Variants in GLRA2 observed in about 807,000 individuals in gnomAD.
GLRA2 encodes the protein glycine receptor alpha 2.
In GLRA2, 11 loss-of-function variants were observed where a neutral mutation model predicts 31.6. The observed-to-expected ratio is 0.35, with a 90% confidence interval of 0.22 to 0.58. The LOEUF is 0.58. Ranked by LOEUF, GLRA2 falls within the 20% of genes least tolerant of loss-of-function variation. The pLI, the probability that GLRA2 is intolerant of heterozygous loss-of-function variation, is 0.84. For synonymous variants in GLRA2, 132 were observed against 134.0 expected (o/e 0.99, Z 0.10); for missense variants, 212 against 351.8 (o/e 0.60, Z 3.18).
intron 7 of GLRA2, among the ~76,000 whole-genome samples, chrX:14,623,081 A>G (rs2090541860): frequency 1.8e-5 from 2 of 111,400 alleles, no homozygotes; most frequent in Non-Finnish European, 3.8e-5. Flanking sequence ...GGTAAGTTGG[A>G]TTCCTAGGCA....
intron 4 of GLRA2, among the ~76,000 whole-genome samples, chrX:14,596,086 G>A (rs962088521): frequency 9.0e-6 from 1 of 111,093 alleles, no homozygotes; most frequent in African/African-American, 3.3e-5. Context: ...TGTTCTTTAT[G>A]ACCAGTACCA....
the GLRA2 span, among the ~76,000 whole-genome samples, chrX:14,454,188 CCACACACACACA>C: frequency 3.5e-4 from 36 of 101,518 alleles, no homozygotes; most frequent in East Asian, 9.6e-4. Flanking sequence ...ACCCACACAC[CCACACACACACA>C]CACACACACA....
At chrX:14,649,202 G>C (rs184555774) in intron 7 of GLRA2, among the ~76,000 whole-genome samples, 89 of 108,639 alleles carry the variant, frequency 8.2e-4, no homozygotes, top group African/African-American at 2.9e-3. Flanking sequence ...GACAGAGTGA[G>C]ACTCCGTTTT....
chrX:14,707,108 C>T (rs2091634846), intron 8 of GLRA2, among the ~76,000 whole-genome samples: 2 of 112,140 alleles, frequency 1.8e-5, no homozygotes, highest in South Asian at 7.5e-4. Context: ...TGTTTCATTA[C>T]AGCACCATTT....
the GLRA2 span, among the ~76,000 whole-genome samples, chrX:14,464,504 A>C: frequency 7.9e-4 from 88 of 111,942 alleles, no homozygotes; most frequent in East Asian, 0.021. Flanking sequence ...TAGATGGATG[A>C]ATTTCAGGGT....
intron 2 of GLRA2, among the ~76,000 whole-genome samples, chrX:14,548,041 GTTA>G (rs1313347874): frequency 8.9e-6 from 1 of 111,984 alleles, no homozygotes; most frequent in African/African-American, 3.2e-5. Flanking sequence ...ACTGAACTAA[GTTA>G]TTATTATCTG....
intron 4 of GLRA2, among the ~76,000 whole-genome samples, chrX:14,590,616 T>C (rs1169598569): frequency 8.9e-6 from 1 of 112,168 alleles, no homozygotes; most frequent in Non-Finnish European, 1.9e-5. Context: ...TTACTCTCAA[T>C]TTTGATGAGA....
At chrX:14,460,838 T>C in the GLRA2 span, among the ~76,000 whole-genome samples, 1 of 110,082 alleles carries the variant, frequency 9.1e-6, no homozygotes, top group Non-Finnish European at 1.9e-5. Flanking sequence ...TTTTGAAGGG[T>C]TTTTTTTGTC....
intron 7 of GLRA2, among the ~76,000 whole-genome samples, chrX:14,670,801 G>A: frequency 9.0e-6 from 1 of 111,420 alleles, no homozygotes; most frequent in Non-Finnish European, 1.9e-5. Context: ...CTGTCAACAG[G>A]AGTAATTTGT....
intron 7 of GLRA2, among the ~76,000 whole-genome samples, chrX:14,616,744 G>T (rs5935785): frequency 9.0e-6 from 1 of 111,082 alleles, no homozygotes; most frequent in African/African-American, 3.3e-5. Flanking sequence ...TAATTTAAAC[G>T]ACTTTCCCAG....
chrX:14,548,228 C>T (rs2089506447), intron 2 of GLRA2, among the ~76,000 whole-genome samples: 1 of 111,225 alleles, frequency 9.0e-6, no homozygotes, highest in South Asian at 3.8e-4. Flanking sequence ...CACTACCTTT[C>T]CTTATATATA....
intron 7 of GLRA2, among the ~76,000 whole-genome samples, chrX:14,682,187 T>A (rs188930153): frequency 1.8e-5 from 2 of 108,269 alleles, no homozygotes; most frequent in Non-Finnish European, 3.8e-5. Context: ...CCCAGGGGAA[T>A]TGATATCTTG....
At chrX:14,477,424 A>G in the GLRA2 span, among the ~76,000 whole-genome samples, 3 of 112,007 alleles carry the variant, frequency 2.7e-5, no homozygotes, top group East Asian at 8.4e-4. Flanking sequence ...ATGGTCAAGA[A>G]GGATTATACT....
intron 2 of GLRA2, among the ~76,000 whole-genome samples, chrX:14,563,002 A>G (rs1156346698): frequency 8.9e-6 from 1 of 112,560 alleles, no homozygotes; most frequent in African/African-American, 3.2e-5. Flanking sequence ...AAAATATTAC[A>G]ATTGAAATAT....
At chrX:14,493,343 G>A in the GLRA2 span, among the ~76,000 whole-genome samples, 1 of 108,989 alleles carries the variant, frequency 9.2e-6, no homozygotes, top group African/African-American at 3.3e-5. Flanking sequence ...AAAAAGGAAT[G>A]AATTAAGGAT....
At chrX:14,515,313 G>T in the GLRA2 span, among the ~76,000 whole-genome samples, 3 of 111,553 alleles carry the variant, frequency 2.7e-5, no homozygotes, top group African/African-American at 9.8e-5. Flanking sequence ...TTTGTCTTTA[G>T]CTTTTAAGTT....
chrX:14,466,343 G>T, the GLRA2 span, among the ~76,000 whole-genome samples: 1 of 111,164 alleles, frequency 9.0e-6, no homozygotes, highest in African/African-American at 3.3e-5. Flanking sequence ...TGGATTCTTG[G>T]CATCCATCTA....
chrX:14,587,590 T>C (rs1414159113), intron 4 of GLRA2, among the ~76,000 whole-genome samples: 1 of 112,282 alleles, frequency 8.9e-6, no homozygotes, highest in Non-Finnish European at 1.9e-5. Context: ...ATGTCTTCTT[T>C]TGAGAAGTGT....
rs6630653 is a variant in GLRA2, at chrX:14,594,685, T to G, written c.495-9630T>G. Among the ~76,000 whole-genome samples the G allele has an allele frequency of 2.2e-4, 25 of 112,172 alleles. 1 individual carries two copies. In the East Asian group the frequency reaches 2.5e-3, roughly 11 times the overall value. On this transcript the variant is annotated intron_variant, in intron 4 of 8. Transcript: ENST00000218075. ...AGTTGAATCCAATCCACATTTGGACTTAATTAACATGGGCCAACCATATGT... is the reference window on the plus strand; with the variant it reads ...AGTTGAATCCAATCCACATTTGGACGTAATTAACATGGGCCAACCATATGT...
Sources: allele counts gnomAD v4.1 joint callset (sites outside exome capture counted in the v4.1 genomes callset), GRCh38; gene constraint gnomAD v4.1.1; transcripts MANE v1.5; gene names NCBI Gene and HGNC (gene_info 2026-07-23, HGNC 2026-07-21).